Variants in RAB3C observed in about 807,000 individuals in gnomAD.
RAB3C encodes the protein ras-related protein Rab-3C.
A neutral mutation model predicts 26.4 loss-of-function variants in RAB3C; 17 were observed. That is an observed-to-expected ratio of 0.64 (90% CI 0.44 to 0.97). The LOEUF is 0.97. Among genes scored for constraint, RAB3C ranks in the 50% least tolerant of loss-of-function variants. The pLI, the probability that RAB3C is intolerant of heterozygous loss-of-function variation, is 0.00. For missense variants in RAB3C, 242 were observed against 281.9 expected (o/e 0.86, Z 1.01); for synonymous variants, 91 against 95.9 (o/e 0.95, Z 0.30).
rs898195941 is a variant in RAB3C, at chr5:58,842,716, A to G, written c.497-8448A>G. 2.2e-4 allele frequency among the ~76,000 whole-genome samples: 34 copies of G among 152,212 alleles called. 1 individual carries two copies. Among genetic ancestry groups the G allele is most frequent in the Admixed American group, 2.1e-3 (32 of 15,280 alleles). On this transcript the variant is annotated intron_variant, in intron 4 of 4. Transcript: ENST00000282878. ...AGTTCCTTTTCCATATTCAAACTTC[A>G]TCAAGACAAGGGATGATTTAATTAC...
In RAB3C at chr5:58,583,242, TAAAG is replaced by T. The variant is rs751661477; in HGVS notation, c.24+16_24+19del. On this transcript the variant is annotated intron_variant, in intron 1 of 4. Coordinates refer to ENST00000282878, the MANE Select transcript of RAB3C (RefSeq NM_138453.4). ...CGAAGCGCCCATGCAGGTGGGTCCA[TAAAG>T]AAAGAGTGGCCTCGGGAGGAATTGA... 4 of 1,614,118 alleles carry T rather than the reference TAAAG, an allele frequency of 2.5e-6. No individual in the cohort carries two copies. The South Asian group carries it at 4.4e-5, about 18-fold the overall frequency.
At chr5:58,819,587 A>C (rs1393959978) in intron 3 of RAB3C, among the ~76,000 whole-genome samples, 3 of 152,198 alleles carry the variant, frequency 2.0e-5, no homozygotes, top group Non-Finnish European at 2.9e-5. Context: ...TTACTTACCC[A>C]TCTACGGCTG....
intron 2 of RAB3C, among the ~76,000 whole-genome samples, chr5:58,647,449 T>C (rs930953370): frequency 2.7e-5 from 4 of 149,832 alleles, no homozygotes; most frequent in African/African-American, 4.9e-5. Context: ...GAGAACAGCA[T>C]GGGGGAACCA....
At chr5:58,715,223 G>A (rs757657368) in intron 2 of RAB3C, among the ~76,000 whole-genome samples, 1 of 151,150 alleles carries the variant, frequency 6.6e-6, no homozygotes, top group Non-Finnish European at 1.5e-5. Flanking sequence ...TGAGTTTCCT[G>A]TGCATCTTTT....
At chr5:58,807,884 C>T (rs1742978400) in intron 3 of RAB3C, among the ~76,000 whole-genome samples, 1 of 151,896 alleles carries the variant, frequency 6.6e-6, no homozygotes, top group Non-Finnish European at 1.5e-5. Flanking sequence ...CTCTGTTCAG[C>T]AAAACCAATG....
intron 3 of RAB3C, among the ~76,000 whole-genome samples, chr5:58,818,383 G>A (rs1470649850): frequency 6.6e-6 from 1 of 152,108 alleles, no homozygotes; most frequent in Non-Finnish European, 1.5e-5. Flanking sequence ...TCTCATCCCA[G>A]CTTTTTTGAG....
intron 2 of RAB3C, among the ~76,000 whole-genome samples, chr5:58,654,052 C>A (rs961905526): frequency 6.6e-6 from 1 of 152,112 alleles, no homozygotes; most frequent in South Asian, 2.1e-4. Context: ...TTAATGTTTT[C>A]TGCATTTTCT....
chr5:58,783,170 A>G (rs1742307153), intron 3 of RAB3C, among the ~76,000 whole-genome samples: 1 of 152,176 alleles, frequency 6.6e-6, no homozygotes, highest in African/African-American at 2.4e-5. Flanking sequence ...CTCAACCCAC[A>G]TAAATATACG....
At chr5:58,676,227 A>G (rs293023) in intron 2 of RAB3C, among the ~76,000 whole-genome samples, 81,373 of 151,854 alleles carry the variant, frequency 0.54, 21,981 homozygotes, top group East Asian at 0.57. Context: ...AGCTGGGTCG[A>G]GCGGCGTGGC....
intron 2 of RAB3C, among the ~76,000 whole-genome samples, chr5:58,661,761 G>T (rs985643852): frequency 2.7e-5 from 4 of 148,484 alleles, no homozygotes; most frequent in African/African-American, 1.0e-4. Flanking sequence ...GGAACTATTG[G>T]CCCTGTCTTA....
At chr5:58,609,386 T>A (rs1376683429) in intron 1 of RAB3C, among the ~76,000 whole-genome samples, 3 of 152,060 alleles carry the variant, frequency 2.0e-5, no homozygotes, top group African/African-American at 7.2e-5. Context: ...AAGGGGGAAG[T>A]AGCCTTTGAA....
chr5:58,664,025 T>C (rs1747955087), intron 2 of RAB3C, among the ~76,000 whole-genome samples: 1 of 152,166 alleles, frequency 6.6e-6, no homozygotes, highest in Non-Finnish European at 1.5e-5. Flanking sequence ...TATTTTGGAA[T>C]AGGGACCTTT....
At position 58,735,688 on chromosome 5, in the gene RAB3C, T is replaced by C. The variant is rs149742013; in HGVS notation, c.371+9568T>C. 1.7e-4 allele frequency among the ~76,000 whole-genome samples: 26 copies of C among 152,278 alleles called. No individual in the cohort carries two copies. In the East Asian group the frequency reaches 5.0e-3, roughly 29 times the overall value. On this transcript the variant is annotated intron_variant, in intron 3 of 4. Coordinates refer to ENST00000282878, the MANE Select transcript of RAB3C (RefSeq NM_138453.4). Reference sequence around the variant, plus strand: ...TGGCTTGTTGAATGCATTCTTCTTTTGTCTTTGAGGGAGGATAAGTAAGAT... The same window carrying C: ...TGGCTTGTTGAATGCATTCTTCTTTCGTCTTTGAGGGAGGATAAGTAAGAT...
intron 2 of RAB3C, among the ~76,000 whole-genome samples, chr5:58,671,786 C>CT (rs1748123514): frequency 6.6e-6 from 1 of 152,124 alleles, no homozygotes; most frequent in South Asian, 2.1e-4. Context: ...TAGCCAAGAT[C>CT]TTTGCAAGTT....
intron 3 of RAB3C, among the ~76,000 whole-genome samples, chr5:58,769,714 T>C (rs1579909162): frequency 6.6e-6 from 1 of 151,920 alleles, no homozygotes. Context: ...GGAGGTGAAA[T>C]AGTTTATGCA....
chr5:58,686,746 T>A (rs891087928), intron 2 of RAB3C, among the ~76,000 whole-genome samples: 1 of 151,814 alleles, frequency 6.6e-6, no homozygotes, highest in Non-Finnish European at 1.5e-5. Flanking sequence ...GCTCTCTTAA[T>A]CAAATGGAAG....
At chr5:58,760,076 T>G (rs1741764860) in intron 3 of RAB3C, among the ~76,000 whole-genome samples, 1 of 152,192 alleles carries the variant, frequency 6.6e-6, no homozygotes, top group Non-Finnish European at 1.5e-5. Context: ...TAACTCCTAG[T>G]TCCGTCCACC....
At chr5:58,834,884 CA>C (rs1741225098) in intron 4 of RAB3C, among the ~76,000 whole-genome samples, 1 of 152,120 alleles carries the variant, frequency 6.6e-6, no homozygotes, top group Admixed American at 6.6e-5. Flanking sequence ...ATCTTTATTT[CA>C]TAATCTTATG....
At chr5:58,625,665 T>A (rs1747036409) in intron 2 of RAB3C, among the ~76,000 whole-genome samples, 1 of 152,030 alleles carries the variant, frequency 6.6e-6, no homozygotes, top group African/African-American at 2.4e-5. Flanking sequence ...GAGACCAGCC[T>A]GACCAACGTG....
Sources: gnomAD v4.1 joint callset for allele counts (sites outside exome capture counted in the v4.1 genomes callset) on GRCh38, gnomAD v4.1.1 for gene constraint, MANE v1.5 for transcripts, NCBI Gene and HGNC (gene_info 2026-07-23, HGNC 2026-07-21) for gene names.